Variants in DYRK1A observed in about 807,000 individuals in gnomAD.
DYRK1A encodes the protein dual specificity tyrosine phosphorylation regulated kinase 1A.
Under a neutral mutation model 79.7 loss-of-function variants are expected in DYRK1A, and 9 were observed. The observed-to-expected ratio is 0.11, with a 90% CI of 0.07 to 0.20. The LOEUF (loss-of-function observed/expected upper bound fraction) is 0.20, where lower values mean the gene tolerates loss of function less well. Ranked by LOEUF, DYRK1A falls within the 10% of genes least tolerant of loss-of-function variation. DYRK1A has a pLI of 1.00. For synonymous variants in DYRK1A, 349 were observed against 329.7 expected (o/e 1.06, Z -0.63); for missense variants, 622 against 956.0 (o/e 0.65, Z 4.61).
At chr21:37,480,182 A>G (rs2052586195) in intron 4 of DYRK1A, among the ~76,000 whole-genome samples, 1 of 152,224 alleles carries the variant, frequency 6.6e-6, no homozygotes, top group African/African-American at 2.4e-5. Flanking sequence ...GAGGGAATTT[A>G]TATCAATAAA....
intron 2 of DYRK1A, among the ~76,000 whole-genome samples, chr21:37,464,007 A>G (rs540559900): frequency 1.3e-5 from 2 of 152,336 alleles, no homozygotes; most frequent in South Asian, 2.1e-4. Context: ...TGTCACAGGA[A>G]TGGTCCCCTG....
In DYRK1A at chr21:37,423,141, A is replaced by G. The variant is rs187916062; in HGVS notation, c.10+2757A>G. 1.2e-4 allele frequency among the ~76,000 whole-genome samples: 18 copies of G among 152,270 alleles called. No homozygotes were observed. The East Asian group carries it at 3.3e-3, about 28-fold the overall frequency. ...TTTGATAAAGTTTTAAGACTCACCT[A>G]TTGAATTCAAGGCATGCAGAGAGAA... is the stretch of plus-strand genomic sequence containing the variant. On this transcript the variant is annotated intron_variant, in intron 2 of 11. Coordinates refer to ENST00000647188, the MANE Select transcript of DYRK1A (RefSeq NM_001347721.2).
chr21:37,441,863 C>T (rs2051114437), intron 2 of DYRK1A, among the ~76,000 whole-genome samples: 1 of 151,524 alleles, frequency 6.6e-6, no homozygotes, highest in African/African-American at 2.4e-5. Context: ...TTTCATTTTC[C>T]TTCATCCTGA....
intron 11 of DYRK1A, among the ~76,000 whole-genome samples, chr21:37,507,323 T>C (rs561218914): frequency 1.6e-4 from 25 of 152,292 alleles, no homozygotes; most frequent in Non-Finnish European, 2.9e-4. Flanking sequence ...CTCCGGTGTC[T>C]TCACTCTCTC....
intron 3 of DYRK1A, 63 bp from the exon 4 acceptor site, chr21:37,478,145 T>A (rs754967321): frequency 1.2e-6 from 2 of 1,604,744 alleles, no homozygotes; most frequent in South Asian, 2.2e-5. Context: ...ATTTATATCT[T>A]ATAGTTAAAG....
At chr21:37,454,734 T>A (rs1349881787) in intron 2 of DYRK1A, among the ~76,000 whole-genome samples, 3 of 152,206 alleles carry the variant, frequency 2.0e-5, no homozygotes, top group Non-Finnish European at 4.4e-5. Context: ...AGGGATTCAG[T>A]AAGTGTTGTA....
At chr21:37,496,879 A>T (rs924652060) in intron 9 of DYRK1A, among the ~76,000 whole-genome samples, 1 of 152,188 alleles carries the variant, frequency 6.6e-6, no homozygotes, top group African/African-American at 2.4e-5. Context: ...AGGACTTTTT[A>T]AAAGATACCT....
In DYRK1A at chr21:37,521,200, A is replaced by G. The variant is rs1315749023; in HGVS notation, c.*8669A>G. On this transcript the variant is annotated 3_prime_UTR_variant, in exon 12 of 12. Transcript: ENST00000647188. ...TTAGAGTTCTGACCATCTTCACTAG[A>G]AGTGGGGGCGGCTAGCAGTGACTAG... The G allele has an allele frequency of 2.6e-5, 4 of 152,168 alleles. No homozygotes were observed. The highest frequency in any genetic ancestry group is 7.2e-5 in the African/African-American group (3 of 41,442). 9.4% of individuals were successfully genotyped at this position (152,168 alleles called of 1,614,324 possible). A position where few individuals can be genotyped will look rare whatever the true frequency, so the allele number is the denominator to read the frequency against.
rs1239600460 is a variant in DYRK1A, at chr21:37,414,815, AGTTGATAGACTTG to A, written c.-76-5483_-76-5471del. Among the ~76,000 whole-genome samples the A allele has an allele frequency of 5.3e-4, 81 of 152,326 alleles. No individual in the cohort carries two copies. In the East Asian group the frequency reaches 0.014, roughly 27 times the overall value. On this transcript the variant is annotated intron_variant, in intron 1 of 11. Transcript: ENST00000647188. ...TCTATTCACAAGAGAATAGATAAAC[AGTTGATAGACTTG>A]AAGGTCATACAAACCTGTGCAAATC...
intron 2 of DYRK1A, among the ~76,000 whole-genome samples, chr21:37,434,242 A>G (rs1396976898): frequency 6.6e-6 from 1 of 152,208 alleles, no homozygotes; most frequent in Non-Finnish European, 1.5e-5. Flanking sequence ...AGACGTTTAT[A>G]GACACTCTAT....
At chr21:37,368,335 C>G (rs1037964911) in intron 1 of DYRK1A, among the ~76,000 whole-genome samples, 1 of 152,216 alleles carries the variant, frequency 6.6e-6, no homozygotes, top group Non-Finnish European at 1.5e-5. Flanking sequence ...CTTCACCAGT[C>G]TATTTATAGG....
At chr21:37,412,449 A>G (rs756546332) in intron 1 of DYRK1A, among the ~76,000 whole-genome samples, 97 of 152,230 alleles carry the variant, frequency 6.4e-4, no homozygotes, top group Non-Finnish European at 5.6e-4. Context: ...TTGTTAAAAC[A>G]AAACACATAT....
At chr21:37,417,531 T>TTTTC (rs1168432687) in intron 1 of DYRK1A, among the ~76,000 whole-genome samples, 3 of 73,122 alleles carry the variant, frequency 4.1e-5, no homozygotes, top group Admixed American at 2.6e-4. Context: ...TTCTTTTTCT[T>TTTTC]TTTTTTTTTT....
At chr21:37,418,433 C>T (rs1309603047) in intron 1 of DYRK1A, among the ~76,000 whole-genome samples, 1 of 152,048 alleles carries the variant, frequency 6.6e-6, no homozygotes, top group Non-Finnish European at 1.5e-5. Flanking sequence ...ATAAAGAATA[C>T]TGATAATTGA....
At chr21:37,414,974 T>C (rs528767856) in intron 1 of DYRK1A, among the ~76,000 whole-genome samples, 18 of 152,342 alleles carry the variant, frequency 1.2e-4, no homozygotes, top group Admixed American at 3.3e-4. Context: ...TTACAATTAC[T>C]GATGATAACT....
intron 2 of DYRK1A, among the ~76,000 whole-genome samples, chr21:37,427,319 G>C (rs1176454596): frequency 6.6e-6 from 1 of 152,192 alleles, no homozygotes; most frequent in Non-Finnish European, 1.5e-5. Flanking sequence ...GTCTTGCTGT[G>C]TTCCCTAGGC....
intron 1 of DYRK1A, among the ~76,000 whole-genome samples, chr21:37,414,632 G>A (rs2050302903): frequency 6.6e-6 from 1 of 152,088 alleles, no homozygotes; most frequent in Admixed American, 6.6e-5. Context: ...TCTTAATGTA[G>A]ACTTTTAACC....
intron 2 of DYRK1A, among the ~76,000 whole-genome samples, chr21:37,431,471 C>T (rs2050773103): frequency 6.6e-6 from 1 of 152,200 alleles, no homozygotes; most frequent in South Asian, 2.1e-4. Context: ...CTGTACTTCA[C>T]TCCCTGCCTT....
In DYRK1A at chr21:37,523,189, G is replaced by A. The variant is rs2053946326; in HGVS notation, c.*10658G>A. The A allele has an allele frequency of 6.6e-6, 1 of 152,244 alleles. No homozygotes were observed. The highest frequency in any genetic ancestry group is 2.1e-4 in the South Asian group (1 of 4,834). 9.4% of individuals were successfully genotyped at this position (152,244 alleles called of 1,614,324 possible). A position where few individuals can be genotyped will look rare whatever the true frequency, so the allele number is the denominator to read the frequency against. On this transcript the variant is annotated 3_prime_UTR_variant, in exon 12 of 12. Coordinates refer to ENST00000647188, the MANE Select transcript of DYRK1A (RefSeq NM_001347721.2). The stretch of plus-strand genomic sequence containing the variant: ...CAAGTAGCTGGGACCACAGGCGCAT[G>A]CCACTGTGCCTGGCTAAATTATTTT...
Sources: gnomAD v4.1 joint callset for allele counts (sites outside exome capture counted in the v4.1 genomes callset) on GRCh38, gnomAD v4.1.1 for gene constraint, MANE v1.5 for transcripts, NCBI Gene and HGNC (gene_info 2026-07-23, HGNC 2026-07-21) for gene names.